Variants in DLGAP1 observed in about 807,000 individuals in gnomAD.
The protein encoded by DLGAP1 is DLG associated protein 1, also known as disks large-associated protein 1.
In DLGAP1, 11 loss-of-function variants were observed where a neutral mutation model predicts 90.8. That is an observed-to-expected ratio of 0.12 (90% CI 0.08 to 0.20). The LOEUF (loss-of-function observed/expected upper bound fraction) is 0.20. DLGAP1 is among the 10% of genes least tolerant of loss of function. The pLI is 1.00. For synonymous variants in DLGAP1, 558 were observed against 540.7 expected (o/e 1.03, Z -0.44); for missense variants, 1,050 against 1,333.8 (o/e 0.79, Z 3.31).
At chr18:4,143,291 G>A (rs1023325775) in intron 2 of DLGAP1, among the ~76,000 whole-genome samples, 1 of 151,948 alleles carries the variant, frequency 6.6e-6, no homozygotes, top group Non-Finnish European at 1.5e-5. Context: ...AAATCAACCT[G>A]ATGCCCTATT....
intron 10 of DLGAP1, among the ~76,000 whole-genome samples, chr18:3,514,449 C>T (rs944372325): frequency 6.6e-6 from 1 of 152,154 alleles, no homozygotes; most frequent in Admixed American, 6.5e-5. Context: ...ACTGGCTCCC[C>T]GTGGTGAAGG....
intron 2 of DLGAP1, among the ~76,000 whole-genome samples, chr18:4,036,574 G>A (rs138644860): frequency 0.012 from 1,804 of 152,262 alleles, 21 homozygotes; most frequent in Non-Finnish European, 0.02. Flanking sequence ...GCCAAGACAC[G>A]TGATTACTTG....
intron 1 of DLGAP1, among the ~76,000 whole-genome samples, chr18:4,369,813 A>T (rs1483668228): frequency 3.2e-5 from 3 of 92,444 alleles, no homozygotes; most frequent in Non-Finnish European, 6.3e-5. Context: ...AGAAAGTCTT[A>T]GTAAAAAAAA....
At chr18:3,617,288 T>C (rs2057907544) in intron 7 of DLGAP1, among the ~76,000 whole-genome samples, 1 of 152,156 alleles carries the variant, frequency 6.6e-6, no homozygotes, top group South Asian at 2.1e-4. Context: ...ACCTGATCTT[T>C]CTATTAAAAA....
chr18:3,908,530 C>T (rs1366788423), intron 3 of DLGAP1, among the ~76,000 whole-genome samples: 4 of 152,114 alleles, frequency 2.6e-5, no homozygotes, highest in Admixed American at 6.5e-5. Flanking sequence ...TCAGAATGTT[C>T]TCTTGATGAT....
chr18:3,597,661 A>G (rs1334257222), intron 7 of DLGAP1: 1 of 199,212 alleles, frequency 5.0e-6, no homozygotes, highest in Admixed American at 5.9e-5. Flanking sequence ...CCCTAGGAAC[A>G]GAGGGCCTGG....
At chr18:4,393,296 A>G (rs1467499645) in intron 1 of DLGAP1, among the ~76,000 whole-genome samples, 1 of 151,868 alleles carries the variant, frequency 6.6e-6, no homozygotes, top group Non-Finnish European at 1.5e-5. Flanking sequence ...CTCCTCTTCT[A>G]TCGTACTCCA....
chr18:3,568,959 T>G (rs915235750), intron 8 of DLGAP1, among the ~76,000 whole-genome samples: 1 of 151,812 alleles, frequency 6.6e-6, no homozygotes, highest in Non-Finnish European at 1.5e-5. Context: ...GTGCTGGGAT[T>G]ACAGCCATGA....
rs553896956 is a variant in DLGAP1, at chr18:3,874,455, A to G, written c.957+4657T>C. The G allele has an allele frequency of 3.5e-5, 50 of 1,436,012 alleles. No homozygotes were observed. The African/African-American group carries it at 6.3e-4, about 18-fold the overall frequency. 89.0% of individuals were successfully genotyped at this position (1,436,012 alleles called of 1,614,324 possible). On this transcript the variant is annotated intron_variant, in intron 4 of 12. Transcript: ENST00000315677. ...AAATCTTGCTCTTCTGAATGGCTTT[A>G]TATGTCAGTCACTCAACATACAACA...
intron 7 of DLGAP1, among the ~76,000 whole-genome samples, chr18:3,590,067 C>T (rs1303391908): frequency 5.9e-5 from 9 of 152,156 alleles, no homozygotes; most frequent in Non-Finnish European, 1.2e-4. Context: ...TGTGCCACCA[C>T]ACCAGGCTAA....
At chr18:3,685,472 G>A (rs1309131698) in intron 7 of DLGAP1, among the ~76,000 whole-genome samples, 2 of 148,780 alleles carry the variant, frequency 1.3e-5, no homozygotes, top group Non-Finnish European at 3.0e-5. Context: ...GCTGAGGCAG[G>A]AGAATGGCGT....
At chr18:3,688,157 G>A (rs142249390) in intron 7 of DLGAP1, among the ~76,000 whole-genome samples, 17,256 of 152,000 alleles carry the variant, frequency 0.11, 1,190 homozygotes, top group Non-Finnish European at 0.15. Context: ...GGGATCCAAC[G>A]GCCTCGGCCT....
At chr18:3,501,894 G>A (rs2143609921) in intron 12 of DLGAP1, among the ~76,000 whole-genome samples, 1 of 148,230 alleles carries the variant, frequency 6.7e-6, no homozygotes, top group South Asian at 2.1e-4. Context: ...TGATGCATGA[G>A]GACCCCAGTG....
chr18:4,030,718 C>G (rs1318420068), intron 2 of DLGAP1, among the ~76,000 whole-genome samples: 1 of 152,102 alleles, frequency 6.6e-6, no homozygotes, highest in African/African-American at 2.4e-5. Context: ...CCCAGGAGTT[C>G]GAGACCAGCC....
intron 7 of DLGAP1, chr18:3,722,603 C>T (rs2062018889): frequency 6.6e-6 from 1 of 152,116 alleles, no homozygotes; most frequent in Admixed American, 6.5e-5. Context: ...AACTCATTAG[C>T]AGAGGGACAA....
intron 4 of DLGAP1, among the ~76,000 whole-genome samples, chr18:3,841,739 A>G (rs2068727088): frequency 6.6e-6 from 1 of 152,164 alleles, no homozygotes; most frequent in Admixed American, 6.6e-5. Flanking sequence ...AAATCATTGC[A>G]TCTGGTTTCT....
At position 4,178,757 on chromosome 18, in the gene DLGAP1, A is replaced by G. The variant is rs1443180201; in HGVS notation, c.-266-27470T>C. ...AGAATCTTAAAATATACAGAGCTTG[A>G]TAAATCTCATGTAACTTAAATAATA... On this transcript the variant is annotated intron_variant, in intron 1 of 12. Coordinates refer to ENST00000315677, the MANE Select transcript of DLGAP1 (RefSeq NM_004746.4). Among the ~76,000 whole-genome samples, 3 of 152,168 alleles carry G rather than the reference A, an allele frequency of 2.0e-5. No individual in the cohort carries two copies. In the East Asian group the frequency reaches 5.8e-4, roughly 29 times the overall value.
chr18:4,306,452 TGTGTGTGTGTGAGA>T (rs1189525675), intron 1 of DLGAP1, among the ~76,000 whole-genome samples: 3 of 134,164 alleles, frequency 2.2e-5, no homozygotes, highest in African/African-American at 6.4e-5. Context: ...TGTGTGTGTG[TGTGTGTGTGTGAGA>T]GAGAGAGAGA....
intron 3 of DLGAP1, among the ~76,000 whole-genome samples, chr18:3,980,986 T>C (rs978383428): frequency 1.3e-5 from 2 of 152,374 alleles, no homozygotes; most frequent in African/African-American, 2.4e-5. Flanking sequence ...CTTGGACTTA[T>C]GCCCTAAGGT....
Sources: allele counts gnomAD v4.1 joint callset (sites outside exome capture counted in the v4.1 genomes callset), GRCh38; gene constraint gnomAD v4.1.1; transcripts MANE v1.5; gene names NCBI Gene and HGNC (gene_info 2026-07-23, HGNC 2026-07-21).